The following CPNE5 variants were observed in gnomAD, a reference collection of about 807,000 sequenced individuals.
CPNE5 encodes copine-5.
A neutral mutation model predicts 81.1 loss-of-function variants in CPNE5; 42 were observed. The observed-to-expected ratio is 0.52, with a 90% CI of 0.40 to 0.67. CPNE5 has a LOEUF of 0.67. Among genes scored for constraint, CPNE5 ranks in the 30% least tolerant of loss-of-function variants. The pLI, the probability that CPNE5 is intolerant of heterozygous loss-of-function variation, is 0.00. For missense variants in CPNE5, 612 were observed against 815.5 expected, an observed-to-expected ratio of 0.75 and a Z score of 3.04; for synonymous variants, 313 against 321.5, an observed-to-expected ratio of 0.97 and a Z score of 0.28.
chr6:36,806,813 A>T (rs1215286607), intron 3 of CPNE5, among the ~76,000 whole-genome samples: 1 of 152,218 alleles, frequency 6.6e-6, no homozygotes, highest in Non-Finnish European at 1.5e-5. Context: ...ATCATGCAGC[A>T]AAGATACCAA....
intron 10 of CPNE5, among the ~76,000 whole-genome samples, chr6:36,767,987 G>C (rs1205345119): frequency 6.6e-6 from 1 of 152,130 alleles, no homozygotes. Flanking sequence ...ATTGTTAAAA[G>C]CTCCCCAGGG....
At chr6:36,788,616 G>A (rs758980448) in intron 8 of CPNE5, among the ~76,000 whole-genome samples, 3 of 118,204 alleles carry the variant, frequency 2.5e-5, no homozygotes, top group Non-Finnish European at 5.2e-5. Flanking sequence ...GTAAACCAAT[G>A]TTGGCCAGTA....
intron 18 of CPNE5, 47 bp downstream of exon 18, chr6:36,745,001 G>T (rs755001422): frequency 8.1e-6 from 11 of 1,355,814 alleles, no homozygotes; most frequent in Middle Eastern, 1.8e-4. Context: ...TAACGGGGAG[G>T]AAGACACTCC....
intron 1 of CPNE5, among the ~76,000 whole-genome samples, chr6:36,825,156 C>A (rs746014584): frequency 6.6e-6 from 1 of 152,130 alleles, no homozygotes. Context: ...GACAGCCTGT[C>A]GGGCAACTTG....
In CPNE5 at chr6:36,762,998, A is replaced by T. The variant is rs199875907; in HGVS notation, c.780-6T>A. On this transcript the variant is annotated splice_polypyrimidine_tract_variant and splice_region_variant and intron_variant, in intron 11 of 20. Transcript: ENST00000244751. ...ACTCCCCAATGAAGTCATGGCTGCA[A>T]GGGAAGACGGCTGCTGAGACCAAGG... is the stretch of plus-strand genomic sequence containing the variant. The T allele has an allele frequency of 1.5e-4, 248 of 1,613,988 alleles. 2 individuals carry two copies. The highest frequency in any genetic ancestry group is 2.3e-5 in the Non-Finnish European group (27 of 1,179,878).
intron 1 of CPNE5, among the ~76,000 whole-genome samples, chr6:36,823,592 G>A (rs906188893): frequency 6.6e-6 from 1 of 152,142 alleles, no homozygotes; most frequent in Non-Finnish European, 1.5e-5. Flanking sequence ...CACCTCCCAG[G>A]GGAAGCCGAC....
chr6:36,773,765 C>T (rs1458919329), intron 10 of CPNE5, among the ~76,000 whole-genome samples: 2 of 152,194 alleles, frequency 1.3e-5, no homozygotes, highest in Admixed American at 1.3e-4. Flanking sequence ...TCAGAATTAG[C>T]AACCAGGTAT....
intron 1 of CPNE5, among the ~76,000 whole-genome samples, chr6:36,836,483 C>T (rs1773513416): frequency 6.6e-6 from 1 of 152,110 alleles, no homozygotes; most frequent in African/African-American, 2.4e-5. Flanking sequence ...AAACATTGGC[C>T]CCTCTACCCC....
In CPNE5 at chr6:36,779,553, T is replaced by G. The variant is rs116314328; in HGVS notation, c.529-596A>C. On this transcript the variant is annotated intron_variant, in intron 8 of 20. Coordinates refer to ENST00000244751, the MANE Select transcript of CPNE5 (RefSeq NM_020939.2). Reference sequence around the variant, plus strand: ...CATCACTTTCACACCCACCAACTCATGAGAGGCTCACCCAATGCTCTCAGG... The same window carrying G: ...CATCACTTTCACACCCACCAACTCAGGAGAGGCTCACCCAATGCTCTCAGG... 2.6e-3 allele frequency among the ~76,000 whole-genome samples: 390 copies of G among 152,322 alleles called. 2 individuals carry two copies. The highest frequency in any genetic ancestry group is 8.8e-3 in the African/African-American group (366 of 41,574).
intron 11 of CPNE5, among the ~76,000 whole-genome samples, 196 bp downstream of exon 11, chr6:36,765,139 C>T (rs140180727): frequency 1.3e-4 from 20 of 152,252 alleles, no homozygotes; most frequent in African/African-American, 4.3e-4. Flanking sequence ...TTGGTGCCTC[C>T]GTGGAGCTGG....
chr6:36,820,586 G>A (rs1302152385), intron 3 of CPNE5, among the ~76,000 whole-genome samples: 1 of 152,124 alleles, frequency 6.6e-6, no homozygotes, highest in African/African-American at 2.4e-5. Flanking sequence ...TGCTCAGAAT[G>A]TAGTAGTGAA....
At chr6:36,810,191 G>A (rs2150558754) in intron 3 of CPNE5, among the ~76,000 whole-genome samples, 1 of 152,126 alleles carries the variant, frequency 6.6e-6, no homozygotes, top group East Asian at 2.0e-4. Flanking sequence ...GATTTAGGCA[G>A]CTCTTGCCTT....
intron 18 of CPNE5, 138 bp from the exon 19 acceptor site, chr6:36,744,463 C>T: frequency 1.4e-6 from 1 of 695,764 alleles, no homozygotes. Flanking sequence ...CAGAGAAACA[C>T]AGAAAAGGGG....
At chr6:36,802,526 A>C (rs560997584) in intron 3 of CPNE5, among the ~76,000 whole-genome samples, 1 of 152,338 alleles carries the variant, frequency 6.6e-6, no homozygotes, top group Non-Finnish European at 1.5e-5. Context: ...GTTCGTTACA[A>C]TATTTACCAG....
intron 3 of CPNE5, among the ~76,000 whole-genome samples, chr6:36,820,386 G>A (rs998569328): frequency 1.5e-5 from 2 of 131,100 alleles, no homozygotes; most frequent in African/African-American, 2.9e-5. Flanking sequence ...CTGTCGCCCA[G>A]GCTGGAGTGC....
chr6:36,793,661 C>T (rs1274542541), intron 7 of CPNE5, among the ~76,000 whole-genome samples: 2 of 152,298 alleles, frequency 1.3e-5, no homozygotes, highest in East Asian at 3.9e-4. Flanking sequence ...TGCTGCCTCC[C>T]CAGTTGCTGC....
rs770404507 is a variant in CPNE5, at chr6:36,794,686, G to C, written c.405-37C>G. 1.6e-5 allele frequency: 25 copies of C among 1,597,372 alleles called. No homozygotes were observed. The South Asian group carries it at 2.6e-4, about 16-fold the overall frequency. ...GAGGGGGAGAGAGAGCATGCCATGA[G>C]CTGAGTACCCCCACCCAGACAGGCC... On this transcript the variant is annotated intron_variant, in intron 6 of 20. Coordinates refer to ENST00000244751, the MANE Select transcript of CPNE5 (RefSeq NM_020939.2).
chr6:36,826,788 C>T (rs1375541084), intron 1 of CPNE5, among the ~76,000 whole-genome samples: 3 of 152,358 alleles, frequency 2.0e-5, no homozygotes, highest in African/African-American at 7.2e-5. Context: ...CGGCCCCTTG[C>T]ACTTCCTCTC....
chr6:36,789,654 A>G (rs561406314), intron 8 of CPNE5, among the ~76,000 whole-genome samples: 1 of 152,214 alleles, frequency 6.6e-6, no homozygotes, highest in East Asian at 1.9e-4. Flanking sequence ...GCTCTGTTCC[A>G]CAGGGCAACC....
Sources: allele counts gnomAD v4.1 joint callset (sites outside exome capture counted in the v4.1 genomes callset), GRCh38; gene constraint gnomAD v4.1.1; transcripts MANE v1.5; gene names NCBI Gene and HGNC (gene_info 2026-07-23, HGNC 2026-07-21).